The following RIPOR3 variants were observed in gnomAD, a reference collection of about 807,000 sequenced individuals.
The protein encoded by RIPOR3 is family with sequence similarity 65 member C.
A neutral mutation model predicts 114.3 loss-of-function variants in RIPOR3; 95 were observed. That is an observed-to-expected ratio of 0.83 (90% CI 0.70 to 0.99). RIPOR3 has a LOEUF of 0.99. RIPOR3 is among the 50% of genes least tolerant of loss of function. RIPOR3 has a pLI of 0.00. For missense variants in RIPOR3, 1,252 were observed against 1,266.9 expected, an observed-to-expected ratio of 0.99 and a Z score of 0.18; for synonymous variants, 575 against 543.8, an observed-to-expected ratio of 1.06 and a Z score of -0.80.
chr20:50,602,679 A>G lies in RIPOR3; in HGVS notation c.1087-35T>C, dbSNP rs2083549730. On this transcript the variant is annotated intron_variant, in intron 12 of 21. Transcript: ENST00000327979. This position sits in a 1 kb window ranked among gnomAD's most constrained non-coding sequence, Gnocchi z 4.3. Reference sequence around the variant, plus strand: ...GGACACGGGAGCGGCCTCACCAGCCACCCCAGGGACCACAGCAAGTCCCCC... The same window carrying G: ...GGACACGGGAGCGGCCTCACCAGCCGCCCCAGGGACCACAGCAAGTCCCCC... The G allele has an allele frequency of 7.1e-7, 1 of 1,399,182 alleles. No individual in the cohort carries two copies. The highest frequency in any genetic ancestry group is 9.4e-7 in the Non-Finnish European group (1 of 1,068,690). 86.7% of individuals were successfully genotyped at this position (1,399,182 alleles called of 1,614,324 possible).
chr20:50,652,172 C>T (rs1236935836), intron 1 of RIPOR3, among the ~76,000 whole-genome samples: 1 of 152,188 alleles, frequency 6.6e-6, no homozygotes, highest in Non-Finnish European at 1.5e-5. Flanking sequence ...GGAGGTGGCC[C>T]TGGGCCCAGG....
Position 50,595,631 on chromosome 20 carries a change from T to G in RIPOR3, c.1915-127A>C, listed in dbSNP as rs146651971. On this transcript the variant is annotated intron_variant, in intron 15 of 21. Transcript: ENST00000327979. ...CCGGGGGCAGCTCCCTGACTGTCAT[T>G]TGGGGATTCCCCTTTCACCAAGGTG... The G allele has an allele frequency of 1.3e-3, 1,713 of 1,328,080 alleles. 14 individuals are homozygous for G. In the African/African-American group the frequency reaches 0.022, roughly 17 times the overall value. 82.3% of individuals were successfully genotyped at this position (1,328,080 alleles called of 1,614,324 possible).
chr20:50,688,880 G>A (rs1364178584), intron 1 of RIPOR3, among the ~76,000 whole-genome samples: 1 of 152,180 alleles, frequency 6.6e-6, no homozygotes, highest in Non-Finnish European at 1.5e-5. Context: ...TGAACTGGGG[G>A]ACCCTGGGGG....
At chr20:50,652,332 T>C (rs932533931) in intron 1 of RIPOR3, among the ~76,000 whole-genome samples, 2 of 152,086 alleles carry the variant, frequency 1.3e-5, no homozygotes, top group Non-Finnish European at 2.9e-5. Flanking sequence ...GGTTCATGCC[T>C]ATAATCCCAG....
At chr20:50,642,591 TC>T (rs11331638) in intron 1 of RIPOR3, among the ~76,000 whole-genome samples, 8,343 of 149,988 alleles carry the variant, frequency 0.056, 292 homozygotes, top group South Asian at 0.086. Flanking sequence ...TGTCTCCATC[TC>T]CCCCCTCCCC....
At chr20:50,668,503 C>T (rs747367433) in intron 1 of RIPOR3, among the ~76,000 whole-genome samples, 1 of 152,118 alleles carries the variant, frequency 6.6e-6, no homozygotes, top group Non-Finnish European at 1.5e-5. Context: ...CTCCTCAGTG[C>T]GGTTCCTTTC....
At chr20:50,599,699 C>A (rs1420799106) in intron 13 of RIPOR3, among the ~76,000 whole-genome samples, 1 of 152,126 alleles carries the variant, frequency 6.6e-6, no homozygotes, top group Non-Finnish European at 1.5e-5. Context: ...CTCGCTTGAC[C>A]TCAGCTGGGA....
chr20:50,647,569 G>A (rs943354121), intron 1 of RIPOR3, among the ~76,000 whole-genome samples: 89 of 135,522 alleles, frequency 6.6e-4, no homozygotes, highest in African/African-American at 1.3e-3. Flanking sequence ...TGCAAGCTCC[G>A]CCTCCCGGGT....
chr20:50,690,953 A>C (rs1333869547), intron 1 of RIPOR3, among the ~76,000 whole-genome samples, 173 bp downstream of exon 1: 1 of 152,226 alleles, frequency 6.6e-6, no homozygotes, highest in African/African-American at 2.4e-5. Context: ...AAGGCCACAC[A>C]GCACGATACC....
chr20:50,667,984 A>G (rs16995394), intron 1 of RIPOR3, among the ~76,000 whole-genome samples: 4,420 of 152,162 alleles, frequency 0.029, 219 homozygotes, highest in African/African-American at 0.099. Flanking sequence ...CTAGCAGAGG[A>G]TAGTTACAGT....
Position 50,619,972 on chromosome 20 carries a change from C to T in RIPOR3, c.269+14G>A. 2 of 1,606,056 alleles carry T rather than the reference C, an allele frequency of 1.2e-6. No individual in the cohort carries two copies. The highest frequency in any genetic ancestry group is 1.7e-6 in the Non-Finnish European group (2 of 1,173,444). ...GAATGCACTTCTTAAAGGCAGCACA[C>T]AGCCCAGCCTTACTTGAGGCCTCTT... On this transcript the variant is annotated intron_variant, in intron 3 of 21. Transcript: ENST00000327979.
Position 50,604,756 on chromosome 20 carries a change from G to T in RIPOR3, c.975C>A (p.Ser325Arg), listed in dbSNP as rs751601501. 2.5e-6 allele frequency: 4 copies of T among 1,608,190 alleles called. No homozygotes were observed. Among genetic ancestry groups the T allele is most frequent in the Non-Finnish European group, 3.4e-6 (4 of 1,177,956 alleles). The change falls in exon 12 of 22, where the codon AGC (serine) becomes AGA (arginine). Residue 325 changes from serine to arginine, a missense_variant. Coordinates refer to ENST00000327979, the MANE Select transcript of RIPOR3 (RefSeq NM_001290268.2). ...CCGTGGGGCTGGGTGACACCAGGAA[G>T]CTCTCAGTATCAAACGGGCTGGAGG... Reference protein sequence around the residue: ...EVQWNPFDTESFLVSPSPTGK... With the variant: ...EVQWNPFDTERFLVSPSPTGK...
chr20:50,672,043 TGGATGGATGGAA>T (rs1473634972), intron 1 of RIPOR3, among the ~76,000 whole-genome samples: 1 of 150,982 alleles, frequency 6.6e-6, no homozygotes, highest in Non-Finnish European at 1.5e-5. Context: ...GGTGGGTGAT[TGGATGGATGGAA>T]GGATGGATGG....
chr20:50,676,853 C>T (rs1423271446), intron 1 of RIPOR3, among the ~76,000 whole-genome samples: 1 of 109,452 alleles, frequency 9.1e-6, no homozygotes, highest in African/African-American at 3.2e-5. Context: ...ATCCTCCTGC[C>T]TCATTCTCCC....
intron 1 of RIPOR3, among the ~76,000 whole-genome samples, chr20:50,663,462 A>T (rs1036473517): frequency 6.6e-6 from 1 of 152,194 alleles, no homozygotes; most frequent in Non-Finnish European, 1.5e-5. Context: ...GCAGCGTCTG[A>T]TCATAGGGAA....
At position 50,602,138 on chromosome 20, in the gene RIPOR3, C is replaced by T. The variant is rs201413126; in HGVS notation, c.1593G>A (p.Thr531=). The T allele has an allele frequency of 6.8e-5, 110 of 1,611,272 alleles. No homozygotes were observed. The Admixed American group carries it at 8.2e-4, about 12-fold the overall frequency. ...CCCGGAGCTGGGGCTGGGTGGAGTC[C>T]GTGGGCCTCAGCAACTCCAGGACCT... ...LQEVLELLRP[T]DSTQPQLREL... Residue 531 remains threonine, a synonymous_variant, in exon 13 of 22, where the codon ACG becomes ACA. Coordinates refer to ENST00000327979, the MANE Select transcript of RIPOR3 (RefSeq NM_001290268.2). The surrounding 1 kb of genome is among the most constrained non-coding windows in gnomAD (Gnocchi z 4.3).
At chr20:50,651,898 A>C (rs1014107904) in intron 1 of RIPOR3, among the ~76,000 whole-genome samples, 2 of 152,258 alleles carry the variant, frequency 1.3e-5, no homozygotes, top group African/African-American at 4.8e-5. Flanking sequence ...TTAGGGAATC[A>C]GGAACCTGAA....
rs1402359427 is a variant in RIPOR3 at position 50,596,082 on chromosome 20, CAA to C, written c.1914+56_1914+57del. On this transcript the variant is annotated intron_variant, in intron 15 of 21. Transcript: ENST00000327979. ...CCACCACCTTCAAGATGAGCCTTTG[CAA>C]AGAGGACTCCAAACCCCTGTCTGCC... 5 of 1,608,086 alleles carry C rather than the reference CAA, an allele frequency of 3.1e-6. No individual in the cohort carries two copies. In the African/African-American group the frequency reaches 4.0e-5, roughly 13 times the overall value.
At chr20:50,632,753 A>G (rs982534263) in intron 1 of RIPOR3, among the ~76,000 whole-genome samples, 2 of 152,208 alleles carry the variant, frequency 1.3e-5, no homozygotes, top group African/African-American at 2.4e-5. Flanking sequence ...CTAATTCCAT[A>G]GATGAGGAAA....
Sources: gnomAD v4.1 joint callset for allele counts (sites outside exome capture counted in the v4.1 genomes callset) on GRCh38, gnomAD v4.1.1 for gene constraint, Gnocchi (gnomAD v3.1) non-coding constraint, MANE v1.5 for transcripts, NCBI Gene and HGNC (gene_info 2026-07-23, HGNC 2026-07-21) for gene names.